The following TRIOBP variants were observed in gnomAD, a reference collection of about 807,000 sequenced individuals.
TRIOBP encodes TRIO and F-actin-binding protein.
TRIOBP carries 169 observed loss-of-function variants against 238.8 expected under a neutral mutation model. The observed-to-expected ratio is 0.71, with a 90% CI of 0.62 to 0.80. TRIOBP has a LOEUF of 0.80. Among genes scored for constraint, TRIOBP ranks in the 30% least tolerant of loss-of-function variants. The probability of loss-of-function intolerance (pLI) is 0.00; values close to 1 mark genes in which losing one functional copy is unlikely to be tolerated. For synonymous variants in TRIOBP, 1,150 were observed against 1,274.4 expected (o/e 0.90, Z 2.08); for missense variants, 2,838 against 3,122.6 (o/e 0.91, Z 2.17).
In TRIOBP at chr22:37,771,740, G is replaced by A. The variant is rs1391891095; in HGVS notation, c.6936+4G>A. ...CGAGCTCCAGATGATGCAGAAGGTA[G>A]GTCCTTCCGCTGGGCTGGGGGCCGT... On this transcript the variant is annotated splice_donor_region_variant and intron_variant, in intron 22 of 23. Coordinates refer to ENST00000644935, the MANE Select transcript of TRIOBP (RefSeq NM_001039141.3). The A allele has an allele frequency of 6.2e-7, 1 of 1,613,840 alleles. No individual in the cohort carries two copies. Among genetic ancestry groups the A allele is most frequent in the Non-Finnish European group, 8.5e-7 (1 of 1,179,758 alleles).
At chr22:37,702,300 G>C (rs907388187) in intron 3 of TRIOBP, among the ~76,000 whole-genome samples, 5 of 151,930 alleles carry the variant, frequency 3.3e-5, no homozygotes, top group Non-Finnish European at 7.4e-5. Context: ...TGCCTCCTAG[G>C]TTCAAGCGAT....
chr22:37,760,936 C>T (rs1926209586), intron 17 of TRIOBP, among the ~76,000 whole-genome samples: 1 of 150,200 alleles, frequency 6.7e-6, no homozygotes, highest in South Asian at 2.1e-4. Context: ...TGCGCCACGG[C>T]ACTCCAGCCT....
chr22:37,751,567 A>C, intron 11 of TRIOBP: 1 of 598,858 alleles, frequency 1.7e-6, no homozygotes. Context: ...GAGTGCCACT[A>C]TCAGGAAAGG....
At chr22:37,759,685 CAAG>C (rs1926142004) in intron 17 of TRIOBP, 2 of 1,516,574 alleles carry the variant, frequency 1.3e-6, no homozygotes, top group African/African-American at 2.8e-5. Context: ...AGGCCCCACA[CAAG>C]GAGGTCTGCA....
At chr22:37,701,118 G>C (rs543616325) in intron 2 of TRIOBP, among the ~76,000 whole-genome samples, 188 bp from the exon 3 acceptor site, 1 of 152,224 alleles carries the variant, frequency 6.6e-6, no homozygotes, top group South Asian at 2.1e-4. Context: ...CTGGTGCTTA[G>C]TAGGTGCTTA....
At chr22:37,771,473 CAG>C (rs1307352649) in intron 21 of TRIOBP, among the ~76,000 whole-genome samples, 175 bp from the exon 22 acceptor site, 2 of 152,084 alleles carry the variant, frequency 1.3e-5, no homozygotes, top group African/African-American at 4.8e-5. Context: ...GAAGGCAAAG[CAG>C]GGGAATCGGA....
chr22:37,708,577 A>C (rs2145817298), intron 3 of TRIOBP, among the ~76,000 whole-genome samples: 1 of 152,326 alleles, frequency 6.6e-6, no homozygotes, highest in Middle Eastern at 3.4e-3. Flanking sequence ...TACAAATATT[A>C]ACTCGTTTAA....
intron 11 of TRIOBP, among the ~76,000 whole-genome samples, chr22:37,742,700 G>A (rs889912095): frequency 1.3e-5 from 2 of 152,184 alleles, no homozygotes; most frequent in Non-Finnish European, 2.9e-5. Context: ...CACACAGCAC[G>A]TCTGGCAGGA....
At chr22:37,755,265 A>C in intron 14 of TRIOBP, 75 bp downstream of exon 14, 1 of 1,442,046 alleles carries the variant, frequency 6.9e-7, no homozygotes, top group Non-Finnish European at 9.5e-7. Context: ...TTTGGTGTTG[A>C]ACATGGCTCA....
intron 7 of TRIOBP, among the ~76,000 whole-genome samples, chr22:37,727,439 C>T (rs181296954): frequency 1.3e-5 from 2 of 151,736 alleles, no homozygotes; most frequent in African/African-American, 4.8e-5. Flanking sequence ...GAGGCCGAGG[C>T]GGGCGGATCA....
Position 37,725,208 on chromosome 22 carries a change from C to CCGCT in TRIOBP, c.2654_2657dup (p.Thr887LeufsTer16). 6.2e-7 allele frequency: 1 copy of CCGCT among 1,614,074 alleles called. No individual in the cohort carries two copies. The highest frequency in any genetic ancestry group is 8.5e-7 in the Non-Finnish European group (1 of 1,179,990). ...AGAATCTGAGACCATCATCTCCCCA[C>CCGCT]CGCTCCACTCAATGGAACAATCCCA... On this transcript the variant is annotated frameshift_variant, in exon 7 of 24. Transcript: ENST00000644935. LOFTEE classifies it high-confidence loss of function.
Position 37,723,403 on chromosome 22 carries a change from C to G in TRIOBP, c.847C>G (p.Arg283Gly). The change falls in exon 7 of 24, where the codon CGA (arginine) becomes GGA (glycine). Residue 283 changes from arginine to glycine, a missense_variant. Transcript: ENST00000644935. ...REIPRASSPH[R>G]ITQRDTSRAS... ...AATCCCCAGAGCCTCCTCTCCCCAT[C>G]GAATCACCCAAAGGGACACCTCCAG... is the stretch of plus-strand genomic sequence containing the variant. The G allele has an allele frequency of 6.2e-7, 1 of 1,605,500 alleles. No individual in the cohort carries two copies. The highest frequency in any genetic ancestry group is 8.5e-7 in the Non-Finnish European group (1 of 1,177,058).
chr22:37,699,163 A>G (rs1265869305), intron 2 of TRIOBP, among the ~76,000 whole-genome samples: 1 of 152,204 alleles, frequency 6.6e-6, no homozygotes, highest in Non-Finnish European at 1.5e-5. Flanking sequence ...AAAACAAAAC[A>G]AAACAAAACG....
At chr22:37,772,513 G>A in intron 22 of TRIOBP, 88 bp from the exon 23 acceptor site, 1 of 1,588,552 alleles carries the variant, frequency 6.3e-7, no homozygotes, top group Non-Finnish European at 8.6e-7. Flanking sequence ...TCTGCGGGGA[G>A]GTCTGGCTGC....
At chr22:37,705,551 T>A (rs1444639662) in intron 3 of TRIOBP, among the ~76,000 whole-genome samples, 2 of 151,888 alleles carry the variant, frequency 1.3e-5, no homozygotes, top group Non-Finnish European at 2.9e-5. Context: ...GTTGAGGACT[T>A]AGGATTCTGA....
In TRIOBP at chr22:37,734,728, G is replaced by C; in HGVS notation, c.4392G>C (p.Glu1464Asp). 3.7e-6 allele frequency: 6 copies of C among 1,609,920 alleles called. No homozygotes were observed. Among genetic ancestry groups the C allele is most frequent in the Non-Finnish European group, 5.1e-6 (6 of 1,178,628 alleles). ...CTGGGGGCTGGTGGGGATGTGGAGA[G>C]CCCAGCCTGGGGGCAGCCAAAGCCC... Reference protein sequence around the residue: ...LGPGGWWGCGEPSLGAAKAPE... With the variant: ...LGPGGWWGCGDPSLGAAKAPE... The change falls in exon 9 of 24, where the codon GAG (glutamate) becomes GAC (aspartate). Residue 1464 changes from glutamate to aspartate, a missense_variant. Glu to Asp is a conservative substitution (Grantham distance 45). Transcript: ENST00000644935.
At chr22:37,700,826 G>C (rs1478175847) in intron 2 of TRIOBP, among the ~76,000 whole-genome samples, 1 of 152,140 alleles carries the variant, frequency 6.6e-6, no homozygotes, top group Non-Finnish European at 1.5e-5. Flanking sequence ...CAAGTAGCTG[G>C]GATTACAGGC....
At chr22:37,715,992 C>T in intron 6 of TRIOBP, 58 bp downstream of exon 6, 1 of 1,596,020 alleles carries the variant, frequency 6.3e-7, no homozygotes, top group African/African-American at 1.3e-5. Context: ...CCCAGATAGC[C>T]ATCTCACTGG....
In TRIOBP at chr22:37,738,730, C is replaced by A; in HGVS notation, c.5184+11C>A. On this transcript the variant is annotated intron_variant, in intron 10 of 23. Coordinates refer to ENST00000644935, the MANE Select transcript of TRIOBP (RefSeq NM_001039141.3). ...AAGCAGGCAGACTCGGTAGCTGGGT[C>A]ATGGGTGTGGGTACATACGGTGGGG... The A allele has an allele frequency of 6.2e-7, 1 of 1,613,564 alleles. No individual in the cohort carries two copies. Among genetic ancestry groups the A allele is most frequent in the South Asian group, 1.1e-5 (1 of 91,010 alleles).
Sources: gnomAD v4.1 joint callset for allele counts (sites outside exome capture counted in the v4.1 genomes callset) on GRCh38, gnomAD v4.1.1 for gene constraint, MANE v1.5 for transcripts, NCBI Gene and HGNC (gene_info 2026-07-23, HGNC 2026-07-21) for gene names.